The following FER variants were observed in gnomAD, a reference collection of about 807,000 sequenced individuals.
The protein encoded by FER is FER tyrosine kinase, also known as tyrosine-protein kinase Fer.
FER carries 63 observed loss-of-function variants against 111.0 expected under a neutral mutation model. The observed-to-expected ratio is 0.57, with a 90% CI of 0.46 to 0.70. The LOEUF (loss-of-function observed/expected upper bound fraction) is 0.70. Among genes scored for constraint, FER ranks in the 30% least tolerant of loss-of-function variants. FER has a pLI of 0.00. For missense variants in FER, 914 were observed against 954.0 expected (o/e 0.96, Z 0.55); for synonymous variants, 327 against 313.9 (o/e 1.04, Z -0.44).
chr5:109,003,580 A>C (rs563571341), intron 13 of FER, among the ~76,000 whole-genome samples: 1 of 152,322 alleles, frequency 6.6e-6, no homozygotes, highest in African/African-American at 2.4e-5. Flanking sequence ...ACAAACCTGC[A>C]CGTAGTGCAC....
At chr5:108,762,657 G>A (rs376780711) in intron 1 of FER, among the ~76,000 whole-genome samples, 1 of 152,114 alleles carries the variant, frequency 6.6e-6, no homozygotes, top group Non-Finnish European at 1.5e-5. Flanking sequence ...GTTCTTCTCT[G>A]AACTGTAGTT....
At chr5:109,138,106 T>C (rs1318693844) in intron 17 of FER, among the ~76,000 whole-genome samples, 3 of 152,056 alleles carry the variant, frequency 2.0e-5, no homozygotes, top group African/African-American at 7.2e-5. Flanking sequence ...ATGCCATATG[T>C]AGGGCTGGAA....
At chr5:108,968,364 G>A (rs926243846) in intron 13 of FER, among the ~76,000 whole-genome samples, 1 of 152,008 alleles carries the variant, frequency 6.6e-6, no homozygotes. Context: ...TCTAGCCTGG[G>A]CCACAGAGAG....
At chr5:109,001,503 T>G (rs1265727312) in intron 13 of FER, among the ~76,000 whole-genome samples, 2 of 152,152 alleles carry the variant, frequency 1.3e-5, no homozygotes, top group Admixed American at 1.3e-4. Flanking sequence ...AAGAGCTATC[T>G]ATGACAAACC....
intron 16 of FER, among the ~76,000 whole-genome samples, chr5:109,061,669 A>G (rs1581857336): frequency 6.6e-6 from 1 of 152,230 alleles, no homozygotes; most frequent in Non-Finnish European, 1.5e-5. Context: ...CCTTGTGCAT[A>G]GATAAATAAA....
chr5:108,835,429 C>T (rs1760551890), intron 4 of FER, among the ~76,000 whole-genome samples: 1 of 152,062 alleles, frequency 6.6e-6, no homozygotes, highest in Non-Finnish European at 1.5e-5. Flanking sequence ...AAGTGATCTG[C>T]TTGTTTTAGC....
At chr5:108,945,260 T>A (rs1756825169) in intron 10 of FER, among the ~76,000 whole-genome samples, 1 of 152,124 alleles carries the variant, frequency 6.6e-6, no homozygotes, top group Non-Finnish European at 1.5e-5. Context: ...GCAGTTGAAA[T>A]GTAGTCGTCA....
At chr5:108,830,283 G>A (rs966313309) in intron 3 of FER, among the ~76,000 whole-genome samples, 12 of 152,016 alleles carry the variant, frequency 7.9e-5, no homozygotes, top group East Asian at 1.9e-4. Flanking sequence ...ACAAAACCCC[G>A]CCTCTACTAA....
intron 17 of FER, among the ~76,000 whole-genome samples, chr5:109,132,863 G>A (rs538841935): frequency 6.6e-6 from 1 of 152,264 alleles, no homozygotes; most frequent in Non-Finnish European, 1.5e-5. Flanking sequence ...GCTCCTCTTA[G>A]TAGAGAACTG....
chr5:109,072,661 G>C (rs965932673), intron 16 of FER, among the ~76,000 whole-genome samples: 15 of 151,900 alleles, frequency 9.9e-5, no homozygotes, highest in African/African-American at 3.6e-4. Context: ...GAAATATAAG[G>C]TCTATAATGA....
At chr5:108,883,339 T>A in intron 8 of FER, 57 bp from the exon 9 acceptor site, 3 of 1,476,256 alleles carry the variant, frequency 2.0e-6, no homozygotes, top group Non-Finnish European at 2.7e-6. Flanking sequence ...ACTTTTTTGA[T>A]ATGTATAAAG....
intron 16 of FER, 125 bp downstream of exon 16, chr5:109,047,323 A>T: frequency 1.7e-6 from 1 of 592,218 alleles, no homozygotes. Flanking sequence ...ATTTCCAGAT[A>T]ACAAAAGAGT....
At chr5:109,009,108 C>T (rs1420939628) in intron 13 of FER, among the ~76,000 whole-genome samples, 5 of 134,172 alleles carry the variant, frequency 3.7e-5, no homozygotes, top group Admixed American at 2.6e-4. Flanking sequence ...AATGCACTGG[C>T]GTGATCTCGG....
intron 17 of FER, among the ~76,000 whole-genome samples, chr5:109,170,609 C>T (rs535056241): frequency 6.6e-6 from 1 of 152,272 alleles, no homozygotes; most frequent in Admixed American, 6.5e-5. Flanking sequence ...TAGCATTGTG[C>T]CTGACACATA....
At chr5:108,766,492 A>G (rs1580423290) in intron 1 of FER, among the ~76,000 whole-genome samples, 1 of 152,208 alleles carries the variant, frequency 6.6e-6, no homozygotes, top group East Asian at 1.9e-4. Flanking sequence ...ATGTATTAAC[A>G]CTTTAATTAC....
intron 13 of FER, among the ~76,000 whole-genome samples, chr5:109,031,693 A>T (rs769671996): frequency 6.6e-6 from 1 of 152,092 alleles, no homozygotes; most frequent in Non-Finnish European, 1.5e-5. Context: ...GAAGATTTCT[A>T]CTTCTTTCTA....
intron 13 of FER, among the ~76,000 whole-genome samples, chr5:108,965,923 C>T (rs528424051): frequency 6.6e-6 from 1 of 152,134 alleles, no homozygotes; most frequent in Non-Finnish European, 1.5e-5. Context: ...TAAGATTGGA[C>T]TTTAGGCTTG....
Position 109,047,087 on chromosome 5 carries a change from A to C in FER, c.1830-17A>C. ...TTATTCAAATGATAACTATTCGTAT[A>C]TTTTCATCTCATCTAGAATTCTCAA... On this transcript the variant is annotated splice_polypyrimidine_tract_variant and intron_variant, in intron 15 of 19. Coordinates refer to ENST00000281092, the MANE Select transcript of FER (RefSeq NM_005246.4). 2 of 1,301,472 alleles carry C rather than the reference A, an allele frequency of 1.5e-6. No individual in the cohort carries two copies. Among genetic ancestry groups the C allele is most frequent in the Non-Finnish European group, 2.2e-6 (2 of 910,958 alleles). 80.6% of individuals were successfully genotyped at this position (1,301,472 alleles called of 1,614,324 possible).
chr5:109,026,140 G>T (rs1768701178), intron 13 of FER, among the ~76,000 whole-genome samples: 1 of 151,986 alleles, frequency 6.6e-6, no homozygotes, highest in East Asian at 1.9e-4. Flanking sequence ...TTATAAGTAG[G>T]GAAATTACAT....
Sources: gnomAD v4.1 joint callset for allele counts (sites outside exome capture counted in the v4.1 genomes callset) on GRCh38, gnomAD v4.1.1 for gene constraint, MANE v1.5 for transcripts, NCBI Gene and HGNC (gene_info 2026-07-23, HGNC 2026-07-21) for gene names.